Variants in PTPN5 observed in about 807,000 individuals in gnomAD.
The protein encoded by PTPN5 is protein tyrosine phosphatase non-receptor type 5.
PTPN5 carries 29 observed loss-of-function variants against 73.9 expected under a neutral mutation model. That is an observed-to-expected ratio of 0.39 (90% CI 0.29 to 0.54). The LOEUF is 0.54. Among genes scored for constraint, PTPN5 ranks in the 20% least tolerant of loss-of-function variants. The pLI is 0.65. For missense variants in PTPN5, 652 were observed against 751.4 expected, an observed-to-expected ratio of 0.87 and a Z score of 1.55; for synonymous variants, 267 against 304.7, an observed-to-expected ratio of 0.88 and a Z score of 1.29.
chr11:18,750,818 T>G (rs778934685), intron 3 of PTPN5, among the ~76,000 whole-genome samples: 1 of 152,172 alleles, frequency 6.6e-6, no homozygotes, highest in Non-Finnish European at 1.5e-5. Flanking sequence ...AGAGGTTAAG[T>G]GACTGGCCTG....
chr11:18,762,031 G>A (rs574987057), intron 3 of PTPN5, among the ~76,000 whole-genome samples: 2 of 152,234 alleles, frequency 1.3e-5, no homozygotes, highest in African/African-American at 2.4e-5. Context: ...GAGCACATGT[G>A]GGGGGTGTCC....
intron 3 of PTPN5, among the ~76,000 whole-genome samples, chr11:18,750,281 C>T (rs141043426): frequency 5.1e-4 from 78 of 152,300 alleles, no homozygotes; most frequent in Middle Eastern, 6.8e-3. Context: ...AACTGAGGCA[C>T]AGAGACGTTA....
At chr11:18,750,993 G>A (rs369364976) in intron 3 of PTPN5, among the ~76,000 whole-genome samples, 2 of 152,296 alleles carry the variant, frequency 1.3e-5, no homozygotes, top group African/African-American at 4.8e-5. Flanking sequence ...TGCTTGGGTA[G>A]GTCCAGAATC....
chr11:18,749,746 A>T (rs554911067), intron 3 of PTPN5, among the ~76,000 whole-genome samples: 1 of 152,202 alleles, frequency 6.6e-6, no homozygotes. Flanking sequence ...CCCAAATCCC[A>T]CCATTGAACT....
chr11:18,732,711 GC>G lies in PTPN5; in HGVS notation c.1219-10del. The stretch of plus-strand genomic sequence containing the variant: ...CAATACTCGGTGCATTTCTGCAGGG[GC>G]CCAGATCAGGCTGCCATACAATCCT... On this transcript the variant is annotated splice_polypyrimidine_tract_variant and intron_variant, in intron 11 of 14. Coordinates refer to ENST00000358540, the MANE Select transcript of PTPN5 (RefSeq NM_006906.2). 2 of 1,608,874 alleles carry G rather than the reference GC, an allele frequency of 1.2e-6. No individual in the cohort carries two copies. Among genetic ancestry groups the G allele is most frequent in the Non-Finnish European group, 1.7e-6 (2 of 1,175,940 alleles).
Position 18,732,721 on chromosome 11 carries a change from G to A in PTPN5, c.1219-19C>T. ...TGCATTTCTGCAGGGGCCCAGATCA[G>A]GCTGCCATACAATCCTGTTCCCTTC... is the stretch of plus-strand genomic sequence containing the variant. On this transcript the variant is annotated intron_variant, in intron 11 of 14. Transcript: ENST00000358540. The A allele has an allele frequency of 6.3e-7, 1 of 1,599,490 alleles. No homozygotes were observed. The highest frequency in any genetic ancestry group is 2.2e-5 in the East Asian group (1 of 44,814).
chr11:18,780,951 C>T (rs1261668664), intron 1 of PTPN5, among the ~76,000 whole-genome samples: 1 of 152,156 alleles, frequency 6.6e-6, no homozygotes, highest in Non-Finnish European at 1.5e-5. Context: ...GGAAGGGCTG[C>T]TGCATGACAC....
intron 12 of PTPN5, chr11:18,730,656 C>G (rs918277085): frequency 1.3e-5 from 2 of 153,866 alleles, no homozygotes; most frequent in Non-Finnish European, 2.9e-5. Flanking sequence ...TCTTGGACTT[C>G]CCAGTCTCCA....
At chr11:18,767,001 A>G (rs1850672883) in intron 2 of PTPN5, among the ~76,000 whole-genome samples, 1 of 152,186 alleles carries the variant, frequency 6.6e-6, no homozygotes, top group Non-Finnish European at 1.5e-5. Flanking sequence ...TGAGTCTTGG[A>G]CAATATGCCC....
At chr11:18,755,085 G>C (rs531607804) in intron 3 of PTPN5, among the ~76,000 whole-genome samples, 82 of 152,342 alleles carry the variant, frequency 5.4e-4, no homozygotes, top group Non-Finnish European at 8.8e-5. Context: ...TCCCTCGTGT[G>C]CTCTCTCTTG....
At chr11:18,732,451 T>C in intron 12 of PTPN5, 141 bp downstream of exon 12, 1 of 680,702 alleles carries the variant, frequency 1.5e-6, no homozygotes, top group Non-Finnish European at 2.6e-6. Context: ...CTCTCACTCA[T>C]CCGTAATTAT....
intron 3 of PTPN5, among the ~76,000 whole-genome samples, chr11:18,759,094 C>A (rs964999205): frequency 4.6e-5 from 7 of 152,158 alleles, no homozygotes; most frequent in African/African-American, 1.4e-4. Flanking sequence ...TACACTACCC[C>A]ACTCCACTGC....
chr11:18,778,465 C>T lies in PTPN5; in HGVS notation c.-113-6394G>A, dbSNP rs2134345071. On this transcript the variant is annotated intron_variant, in intron 1 of 14. Coordinates refer to ENST00000358540, the MANE Select transcript of PTPN5 (RefSeq NM_006906.2). Reference sequence around the variant, plus strand: ...TTTGGATATTTGTCCCCACCCAAATCTCATGTTGAATTGTAATCCCCAGTG... The same window carrying T: ...TTTGGATATTTGTCCCCACCCAAATTTCATGTTGAATTGTAATCCCCAGTG... Among the ~76,000 whole-genome samples the T allele has an allele frequency of 2.6e-5, 4 of 152,300 alleles. No homozygotes were observed. The South Asian group carries it at 8.3e-4, about 32-fold the overall frequency.
chr11:18,777,891 G>C (rs112512656), intron 1 of PTPN5, among the ~76,000 whole-genome samples: 194 of 152,126 alleles, frequency 1.3e-3, no homozygotes, highest in African/African-American at 4.1e-3. Flanking sequence ...GTTGCAGTGA[G>C]CTATGATCGC....
chr11:18,729,274 C>T lies in PTPN5; in HGVS notation c.1604+179G>A, dbSNP rs1271317272. On this transcript the variant is annotated intron_variant, in intron 14 of 14. Coordinates refer to ENST00000358540, the MANE Select transcript of PTPN5 (RefSeq NM_006906.2). This position sits in a 1 kb window ranked among gnomAD's most constrained non-coding sequence, Gnocchi z 5.2. ...TTTCTTCCCTCTTCATCTGGCCCCC[C>T]ACTGTCTGGATCCTGCCCCTCTACC... Among the ~76,000 whole-genome samples, 1 of 152,034 alleles carries T rather than the reference C, an allele frequency of 6.6e-6. No homozygotes were observed. The highest frequency in any genetic ancestry group is 1.5e-5 in the Non-Finnish European group (1 of 68,004).
In PTPN5 at chr11:18,729,126, GC is replaced by G; in HGVS notation, c.1605-100del. 7.8e-7 allele frequency: 1 copy of G among 1,276,070 alleles called. No individual in the cohort carries two copies. Among genetic ancestry groups the G allele is most frequent in the Non-Finnish European group, 1.1e-6 (1 of 900,170 alleles). The allele number at this position is 1,276,070 out of a possible 1,614,324, so 79.0% of individuals were successfully genotyped here. A position where few individuals can be genotyped will look rare whatever the true frequency, so the allele number is the denominator to read the frequency against. On this transcript the variant is annotated intron_variant, in intron 14 of 14. Transcript: ENST00000358540. This position sits in a 1 kb window ranked among gnomAD's most constrained non-coding sequence, Gnocchi z 5.2. ...GAGTAGCAATCACTTGCCAGGCCTT[GC>G]CCCTGTGCGTCTTGGAGAGACCAAC...
chr11:18,751,444 A>G (rs78339592), intron 3 of PTPN5, among the ~76,000 whole-genome samples: 4,582 of 152,310 alleles, frequency 0.03, 131 homozygotes, highest in South Asian at 0.12. Context: ...AGCAAAGGCA[A>G]AAGCAAACAG....
intron 1 of PTPN5, among the ~76,000 whole-genome samples, chr11:18,789,379 G>A (rs1851812597): frequency 6.6e-6 from 1 of 152,164 alleles, no homozygotes; most frequent in Non-Finnish European, 1.5e-5. Flanking sequence ...TTTGGATGGA[G>A]AAATTGAGAC....
At chr11:18,766,668 G>A (rs2134303213) in intron 2 of PTPN5, among the ~76,000 whole-genome samples, 1 of 152,262 alleles carries the variant, frequency 6.6e-6, no homozygotes, top group East Asian at 1.9e-4. Context: ...AGATCAGCTA[G>A]ACCCCATGAA....
Sources: allele counts gnomAD v4.1 joint callset (sites outside exome capture counted in the v4.1 genomes callset), GRCh38; gene constraint gnomAD v4.1.1; non-coding constraint Gnocchi (gnomAD v3.1); transcripts MANE v1.5; gene names NCBI Gene and HGNC (gene_info 2026-07-23, HGNC 2026-07-21).